Variants in RIMS2 observed in about 807,000 individuals in gnomAD.
RIMS2 encodes regulating synaptic membrane exocytosis 2.
A neutral mutation model predicts 174.4 loss-of-function variants in RIMS2; 59 were observed. The observed-to-expected ratio is 0.34, with a 90% CI of 0.27 to 0.42. RIMS2 has a LOEUF of 0.42. Ranked by LOEUF, RIMS2 falls within the 10% of genes least tolerant of loss-of-function variation. The pLI is 1.00. For synonymous variants in RIMS2, 606 were observed against 572.5 expected, an observed-to-expected ratio of 1.06 and a Z score of -0.84; for missense variants, 1,620 against 1,666.3, an observed-to-expected ratio of 0.97 and a Z score of 0.48.
chr8:103,814,371 T>C (rs978949096), intron 3 of RIMS2, among the ~76,000 whole-genome samples: 11 of 151,330 alleles, frequency 7.3e-5, no homozygotes, highest in African/African-American at 2.7e-4. Flanking sequence ...AATTTACCTA[T>C]GTAACATACC....
intron 15 of RIMS2, among the ~76,000 whole-genome samples, chr8:103,964,777 T>C (rs1369831397): frequency 1.3e-5 from 2 of 152,190 alleles, no homozygotes. Flanking sequence ...TATGTTATCT[T>C]CTAGGAGTTT....
chr8:104,249,345 T>G, intron 21 of RIMS2, 142 bp from the exon 28 acceptor site: 1 of 541,792 alleles, frequency 1.8e-6, no homozygotes, highest in Non-Finnish European at 3.3e-6. Context: ...AAGGAAGATA[T>G]TATTGATAGA....
intron 3 of RIMS2, among the ~76,000 whole-genome samples, chr8:103,883,736 G>T (rs1473960148): frequency 6.6e-6 from 1 of 151,782 alleles, no homozygotes; most frequent in Non-Finnish European, 1.5e-5. Context: ...GAAAGGTAGA[G>T]GATATACAGA....
intron 1 of RIMS2, among the ~76,000 whole-genome samples, chr8:103,582,255 G>A (rs765600033): frequency 7.9e-5 from 12 of 152,086 alleles, no homozygotes; most frequent in Non-Finnish European, 1.8e-4. Context: ...AATTGAAGAG[G>A]CCTTGAGCAC....
At chr8:103,806,205 G>A (rs2098648973) in intron 3 of RIMS2, among the ~76,000 whole-genome samples, 1 of 152,084 alleles carries the variant, frequency 6.6e-6, no homozygotes. Context: ...GTCTAAACAT[G>A]TTTGAATCTA....
At chr8:104,013,665 A>G in intron 18 of RIMS2, 44 bp downstream of exon 20, 1 of 1,521,858 alleles carries the variant, frequency 6.6e-7, no homozygotes, top group Non-Finnish European at 9.1e-7. Context: ...TTGCCCCACC[A>G]GCACACCATT....
chr8:104,232,269 G>A (rs2099234629), intron 19 of RIMS2, among the ~76,000 whole-genome samples: 1 of 152,192 alleles, frequency 6.6e-6, no homozygotes, highest in Non-Finnish European at 1.5e-5. Context: ...TACTGATTAG[G>A]TGATTGTTTG....
At chr8:103,794,818 A>G (rs1310745823) in intron 3 of RIMS2, among the ~76,000 whole-genome samples, 1 of 152,268 alleles carries the variant, frequency 6.6e-6, no homozygotes, top group Non-Finnish European at 1.5e-5. Context: ...TATGCAGCCA[A>G]CAGACACATG....
chr8:103,711,215 G>A (rs1168704346), intron 2 of RIMS2, among the ~76,000 whole-genome samples: 1 of 152,128 alleles, frequency 6.6e-6, no homozygotes, highest in Non-Finnish European at 1.5e-5. Flanking sequence ...GTAGTACATT[G>A]GCTCAGGGTG....
chr8:103,603,616 A>T (rs1379567706), intron 1 of RIMS2, among the ~76,000 whole-genome samples: 4 of 151,542 alleles, frequency 2.6e-5, no homozygotes, highest in Non-Finnish European at 4.4e-5. Flanking sequence ...TCCCACCAAC[A>T]GTGTAAAAGT....
intron 1 of RIMS2, among the ~76,000 whole-genome samples, chr8:103,665,528 A>C (rs2136211749): frequency 6.6e-6 from 1 of 152,384 alleles, no homozygotes; most frequent in South Asian, 2.1e-4. Context: ...AAAAGAATTA[A>C]TCAAATATCT....
At chr8:103,705,597 G>A (rs2097215135) in intron 2 of RIMS2, among the ~76,000 whole-genome samples, 1 of 151,996 alleles carries the variant, frequency 6.6e-6, no homozygotes, top group Non-Finnish European at 1.5e-5. Flanking sequence ...TCTTTTAGAT[G>A]TAATAATATT....
At chr8:103,818,602 C>T (rs1209654251) in intron 3 of RIMS2, among the ~76,000 whole-genome samples, 1 of 152,048 alleles carries the variant, frequency 6.6e-6, no homozygotes, top group African/African-American at 2.4e-5. Flanking sequence ...GTTTTTCCCC[C>T]ACCTGGATTT....
intron 3 of RIMS2, chr8:103,880,344 A>G (rs761424368): frequency 3.6e-5 from 8 of 223,850 alleles, no homozygotes; most frequent in Non-Finnish European, 6.0e-5. Flanking sequence ...TCAGCTAAGT[A>G]CCATAATCCT....
At chr8:103,875,641 G>A (rs1442561393) in intron 3 of RIMS2, among the ~76,000 whole-genome samples, 1 of 152,008 alleles carries the variant, frequency 6.6e-6, no homozygotes, top group Non-Finnish European at 1.5e-5. Flanking sequence ...TGGGTTTGGT[G>A]AATTGAATGG....
intron 1 of RIMS2, among the ~76,000 whole-genome samples, chr8:103,612,591 C>A (rs968821192): frequency 2.0e-5 from 3 of 151,790 alleles, no homozygotes; most frequent in Non-Finnish European, 2.9e-5. Flanking sequence ...CTTTTTTTCC[C>A]CCCTCTAGAC....
rs766805228 is a variant in RIMS2, at chr8:103,652,190, A to T, written c.177-44896A>T. ...ATAGTACAGTGCACTCAGTTGTGCA[A>T]ACTTATCTTTTTAGGGTCAAAGAAG... On this transcript the variant is annotated intron_variant, in intron 1 of 23. Coordinates refer to ENST00000504942, the Ensembl canonical transcript of RIMS2. 1 of 1,341,338 alleles carries T rather than the reference A, an allele frequency of 7.5e-7. No individual in the cohort carries two copies. The highest frequency in any genetic ancestry group is 9.9e-7 in the Non-Finnish European group (1 of 1,012,200). 83.1% of individuals were successfully genotyped at this position (1,341,338 alleles called of 1,614,324 possible).
chr8:103,611,929 C>A (rs1466139297), intron 1 of RIMS2, among the ~76,000 whole-genome samples: 1 of 151,628 alleles, frequency 6.6e-6, no homozygotes, highest in Non-Finnish European at 1.5e-5. Flanking sequence ...CCTTTTCAGT[C>A]TATTTTCTAG....
chr8:103,717,692 ATTTC>A (rs2097390156), intron 2 of RIMS2, among the ~76,000 whole-genome samples: 2 of 152,218 alleles, frequency 1.3e-5, no homozygotes, highest in African/African-American at 4.8e-5. Context: ...AACAGTCTAT[ATTTC>A]AAACTAAATA....
Sources: allele counts gnomAD v4.1 joint callset (sites outside exome capture counted in the v4.1 genomes callset), GRCh38; gene constraint gnomAD v4.1.1; transcripts MANE v1.5; gene names NCBI Gene and HGNC (gene_info 2026-07-23, HGNC 2026-07-21).